KIAA1671: variants seen among roughly 807,000 people sequenced by gnomAD.
The protein encoded by KIAA1671 is KIAA1671, also known as uncharacterized protein KIAA1671.
KIAA1671 carries 52 observed loss-of-function variants against 131.2 expected under a neutral mutation model. The observed-to-expected ratio is 0.40, with a 90% CI of 0.32 to 0.50. The LOEUF is 0.50. Among genes scored for constraint, KIAA1671 ranks in the 20% least tolerant of loss-of-function variants. The pLI, the probability that KIAA1671 is intolerant of heterozygous loss-of-function variation, is 0.73. For synonymous variants in KIAA1671, 1,003 were observed against 961.6 expected (o/e 1.04, Z -0.80); for missense variants, 2,360 against 2,364.2 (o/e 1.00, Z 0.04).
chr22:25,093,528 A>G (rs925940563), intron 6 of KIAA1671, among the ~76,000 whole-genome samples: 2 of 152,108 alleles, frequency 1.3e-5, no homozygotes, highest in African/African-American at 4.8e-5. Context: ...CAGTGTGTTC[A>G]ATTGCTTGGA....
At chr22:24,998,911 T>A (rs1413820912) in intron 1 of KIAA1671, among the ~76,000 whole-genome samples, 1 of 151,920 alleles carries the variant, frequency 6.6e-6, no homozygotes, top group African/African-American at 2.4e-5. Context: ...TCAAATGTAG[T>A]GCTGATGGAC....
intron 1 of KIAA1671, among the ~76,000 whole-genome samples, chr22:24,963,782 TA>T (rs1185224592): frequency 3.3e-5 from 5 of 151,144 alleles, no homozygotes; most frequent in African/African-American, 1.2e-4. Flanking sequence ...CTACTAAAAA[TA>T]CAAAAAATTA....
In KIAA1671 at chr22:25,040,754, C is replaced by T; in HGVS notation, c.3624C>T (p.Tyr1208=). The change falls in exon 5 of 13, where the codon TAC becomes TAT. Residue 1208 remains tyrosine, a synonymous_variant. Transcript: ENST00000358431. ...VLDIDALMAE[Y]QELSLKVPGE... is the part of the protein sequence containing the mutation. ...ACATTGACGCCCTGATGGCAGAGTA[C>T]CAGGAGCTGTCGCTGAAAGTCCCTG... 10 of 1,551,864 alleles carry T rather than the reference C, an allele frequency of 6.4e-6. No homozygotes were observed. The highest frequency in any genetic ancestry group is 1.2e-5 in the South Asian group (1 of 84,052).
At chr22:25,139,089 G>T (rs538369064) in intron 6 of KIAA1671, among the ~76,000 whole-genome samples, 1 of 152,226 alleles carries the variant, frequency 6.6e-6, no homozygotes, top group East Asian at 1.9e-4. Flanking sequence ...TGGCTTTTAG[G>T]CAATGTTGTA....
chr22:25,166,400 C>T (rs1410300668), intron 6 of KIAA1671, among the ~76,000 whole-genome samples: 5 of 152,142 alleles, frequency 3.3e-5, no homozygotes, highest in Non-Finnish European at 7.3e-5. Flanking sequence ...TTTGGTTGGA[C>T]ACCATTTATC....
intron 1 of KIAA1671, among the ~76,000 whole-genome samples, chr22:25,005,979 G>A (rs1166848302): frequency 1.3e-5 from 2 of 152,164 alleles, no homozygotes; most frequent in Non-Finnish European, 2.9e-5. Flanking sequence ...CCTGTGGAGT[G>A]CTTGAAATGA....
chr22:25,189,364 A>G (rs1934593898), intron 11 of KIAA1671, among the ~76,000 whole-genome samples: 2 of 151,812 alleles, frequency 1.3e-5, no homozygotes, highest in African/African-American at 4.8e-5. Flanking sequence ...TAATAGAGAC[A>G]GGGTTTCACC....
At chr22:24,968,385 C>T (rs1007496661) in intron 1 of KIAA1671, among the ~76,000 whole-genome samples, 10 of 152,062 alleles carry the variant, frequency 6.6e-5, no homozygotes, top group African/African-American at 1.2e-4. Flanking sequence ...TGAGTCACCC[C>T]GGGAAGGTGG....
In KIAA1671 at chr22:25,192,723, C is replaced by G. The variant is rs1333922400; in HGVS notation, c.*322C>G. On this transcript the variant is annotated 3_prime_UTR_variant, in exon 13 of 13. Transcript: ENST00000358431. ...TTGCATTTCTACCTATTTTAGACACCTTCATCAGCTCCAAGAACATCAGTG... is the reference window on the plus strand; with the variant it reads ...TTGCATTTCTACCTATTTTAGACACGTTCATCAGCTCCAAGAACATCAGTG... 1 of 152,200 alleles carries G rather than the reference C, an allele frequency of 6.6e-6. No individual in the cohort carries two copies. The highest frequency in any genetic ancestry group is 6.5e-5 in the Admixed American group (1 of 15,278). 9.4% of individuals were successfully genotyped at this position (152,200 alleles called of 1,614,324 possible).
At chr22:25,072,105 A>G (rs1048275358) in intron 6 of KIAA1671, among the ~76,000 whole-genome samples, 1 of 152,148 alleles carries the variant, frequency 6.6e-6, no homozygotes, top group African/African-American at 2.4e-5. Flanking sequence ...AGGGAACAGC[A>G]TGTGCAAAGG....
At position 25,171,009 on chromosome 22, in the gene KIAA1671, C is replaced by G. The variant is rs1253700905; in HGVS notation, c.4649+71C>G. ...GCTGGAGTTGCTGCAGCCCACCCAC[C>G]TCCTGATTTCTATATTGCTAAAACC... On this transcript the variant is annotated intron_variant, in intron 7 of 12. Coordinates refer to ENST00000358431, the MANE Select transcript of KIAA1671 (RefSeq NM_001145206.2). 4.6e-5 allele frequency: 54 copies of G among 1,182,020 alleles called. No individual in the cohort carries two copies. In the East Asian group the frequency reaches 1.4e-3, roughly 30 times the overall value. 73.2% of individuals were successfully genotyped at this position (1,182,020 alleles called of 1,614,324 possible).
chr22:25,174,515 T>C (rs889716104), intron 8 of KIAA1671, 26 bp downstream of exon 8: 4 of 1,482,004 alleles, frequency 2.7e-6, no homozygotes, highest in Non-Finnish European at 3.6e-6. Context: ...GGAGCATTTC[T>C]TCTTAAATGG....
chr22:25,190,566 G>A (rs890414669), intron 11 of KIAA1671, 136 bp from the exon 12 acceptor site: 32 of 643,830 alleles, frequency 5.0e-5, no homozygotes, highest in South Asian at 9.2e-5. Context: ...GTTAATATGG[G>A]CATCTTTACC....
intron 10 of KIAA1671, among the ~76,000 whole-genome samples, chr22:25,182,324 TTTCTC>T (rs2146036953): frequency 1.3e-5 from 1 of 74,570 alleles, no homozygotes; most frequent in East Asian, 7.0e-4. Context: ...TCTCCTTCCT[TTTCTC>T]TTCTTTCTTT....
rs187433413 is a variant in KIAA1671 at position 24,995,246 on chromosome 22, G to A, written c.-207-30387G>A. On this transcript the variant is annotated intron_variant, in intron 1 of 12. Transcript: ENST00000358431. ...TTTGTATTTTTTTAGTAGAGACAGG[G>A]TTTCGCCATGTTAGCCAGGATGGTC... Among the ~76,000 whole-genome samples, 555 of 151,790 alleles carry A rather than the reference G, an allele frequency of 3.7e-3. 3 individuals carry two copies. The highest frequency in any genetic ancestry group is 0.013 in the African/African-American group (523 of 41,382).
intron 1 of KIAA1671, among the ~76,000 whole-genome samples, chr22:24,983,774 ATTTTT>A: frequency 8.6e-6 from 1 of 116,752 alleles, no homozygotes; most frequent in African/African-American, 3.9e-5. Context: ...GGTGTTTGGA[ATTTTT>A]TTTTTTTTTT....
At chr22:25,084,995 G>A (rs1929629163) in intron 6 of KIAA1671, among the ~76,000 whole-genome samples, 1 of 152,262 alleles carries the variant, frequency 6.6e-6, no homozygotes, top group Admixed American at 6.5e-5. Flanking sequence ...TATGATGGCT[G>A]CAGCCACAGG....
At position 24,969,307 on chromosome 22, in the gene KIAA1671, G is replaced by A. The variant is rs866186096; in HGVS notation, c.-208+16535G>A. 5.9e-5 allele frequency among the ~76,000 whole-genome samples: 9 copies of A among 152,282 alleles called. 1 individual carries two copies. The Middle Eastern group carries it at 0.02, about 345-fold the overall frequency. Reference sequence around the variant, plus strand: ...CGAAATCTGAGCAAGCTCAAGTCCTGTATATAAAATGGTGTAGTATTTGCA... The same window carrying A: ...CGAAATCTGAGCAAGCTCAAGTCCTATATATAAAATGGTGTAGTATTTGCA... On this transcript the variant is annotated intron_variant, in intron 1 of 12. Coordinates refer to ENST00000358431, the MANE Select transcript of KIAA1671 (RefSeq NM_001145206.2).
In KIAA1671 at chr22:25,177,329, C is replaced by T. The variant is rs368457955; in HGVS notation, c.4900-19C>T. 1.9e-5 allele frequency: 29 copies of T among 1,531,976 alleles called. No individual in the cohort carries two copies. Among genetic ancestry groups the T allele is most frequent in the Middle Eastern group, 2.1e-4 (1 of 4,834 alleles). 94.9% of individuals were successfully genotyped at this position (1,531,976 alleles called of 1,614,324 possible). On this transcript the variant is annotated intron_variant, in intron 8 of 12. Coordinates refer to ENST00000358431, the MANE Select transcript of KIAA1671 (RefSeq NM_001145206.2). The stretch of plus-strand genomic sequence containing the variant: ...GGTTCCCTTGATTTTTTTCCTCTTC[C>T]TCCCTGCTGCTCCCAAAGCAAACCT...
Sources: gnomAD v4.1 joint callset for allele counts (sites outside exome capture counted in the v4.1 genomes callset) on GRCh38, gnomAD v4.1.1 for gene constraint, MANE v1.5 for transcripts, NCBI Gene and HGNC (gene_info 2026-07-23, HGNC 2026-07-21) for gene names.